HTR7: variants seen among roughly 807,000 people sequenced by gnomAD.
HTR7 encodes 5-hydroxytryptamine receptor 7.
A neutral mutation model predicts 34.0 loss-of-function variants in HTR7; 16 were observed. That is an observed-to-expected ratio of 0.47 (90% confidence interval 0.32 to 0.71). HTR7 has a LOEUF of 0.71. Ranked by LOEUF, HTR7 falls within the 30% of genes least tolerant of loss-of-function variation. HTR7 has a pLI of 0.04. For missense variants in HTR7, 504 were observed against 625.5 expected, an observed-to-expected ratio of 0.81 and a Z score of 2.07; for synonymous variants, 265 against 260.2, an observed-to-expected ratio of 1.02 and a Z score of -0.18.
rs888943106 is a variant in HTR7 at position 90,751,837 on chromosome 10, C to T, written c.540-2243G>A. On this transcript the variant is annotated intron_variant, in intron 1 of 3. Transcript: ENST00000336152. ...TCCTTACTAGAACTATGCCTTCCCA[C>T]TTAAATAACAATCCCATCTTTTTCC... 4.6e-5 allele frequency among the ~76,000 whole-genome samples: 7 copies of T among 152,290 alleles called. No individual in the cohort carries two copies. In the South Asian group the frequency reaches 8.3e-4, roughly 18 times the overall value.
At chr10:90,826,658 G>C (rs918454882) in intron 1 of HTR7, among the ~76,000 whole-genome samples, 1 of 152,284 alleles carries the variant, frequency 6.6e-6, no homozygotes, top group East Asian at 1.9e-4. Context: ...GTGTTAAGTT[G>C]TCATAAGTTT....
At chr10:90,805,223 A>G (rs1436543425) in intron 1 of HTR7, among the ~76,000 whole-genome samples, 2 of 152,146 alleles carry the variant, frequency 1.3e-5, no homozygotes, top group Non-Finnish European at 2.9e-5. Context: ...ATTTCTTTGC[A>G]TGTTTGGATG....
intron 1 of HTR7, among the ~76,000 whole-genome samples, chr10:90,764,671 C>A (rs1844993433): frequency 6.6e-6 from 1 of 151,860 alleles, no homozygotes; most frequent in Non-Finnish European, 1.5e-5. Flanking sequence ...CTTTTTCTTG[C>A]CTAATTAGTA....
intron 1 of HTR7, among the ~76,000 whole-genome samples, chr10:90,854,014 A>G (rs926172174): frequency 6.6e-6 from 1 of 152,262 alleles, no homozygotes; most frequent in Non-Finnish European, 1.5e-5. Context: ...GAGGCCAAAG[A>G]AGGGTTTTAA....
At chr10:90,756,366 T>C (rs1278044375) in intron 1 of HTR7, among the ~76,000 whole-genome samples, 1 of 152,220 alleles carries the variant, frequency 6.6e-6, no homozygotes, top group East Asian at 1.9e-4. Context: ...TTTTTTTAAA[T>C]ACTAAAAGTA....
At chr10:90,831,574 G>C (rs1288386044) in intron 1 of HTR7, among the ~76,000 whole-genome samples, 2 of 152,196 alleles carry the variant, frequency 1.3e-5, no homozygotes, top group African/African-American at 4.8e-5. Flanking sequence ...GACCCCAGCG[G>C]GTTGCCACTG....
intron 1 of HTR7, among the ~76,000 whole-genome samples, chr10:90,785,278 T>C (rs1426289369): frequency 2.6e-5 from 4 of 152,190 alleles, no homozygotes; most frequent in Non-Finnish European, 4.4e-5. Flanking sequence ...CAGAAAACCG[T>C]AGCAAAAACT....
chr10:90,839,795 A>C (rs1846300853), intron 1 of HTR7, among the ~76,000 whole-genome samples: 2 of 152,150 alleles, frequency 1.3e-5, no homozygotes, highest in South Asian at 4.1e-4. Context: ...TATTGACAGA[A>C]GTGCTAATAA....
In HTR7 at chr10:90,742,424, C is replaced by G; in HGVS notation, c.*58G>C. ...TCCATTCTGCAGACTCAGCAAATGACTTCCTTCTGTTTCCACCTCTATTTT... is the reference window on the plus strand; with the variant it reads ...TCCATTCTGCAGACTCAGCAAATGAGTTCCTTCTGTTTCCACCTCTATTTT... On this transcript the variant is annotated 3_prime_UTR_variant, in exon 4 of 4. Coordinates refer to ENST00000336152, the MANE Select transcript of HTR7 (RefSeq NM_019859.4). 9.6e-5 allele frequency: 124 copies of G among 1,297,706 alleles called. No individual in the cohort carries two copies. Among genetic ancestry groups the G allele is most frequent in the Non-Finnish European group, 1.2e-4 (111 of 909,590 alleles). 80.4% of individuals were successfully genotyped at this position (1,297,706 alleles called of 1,614,324 possible).
intron 2 of HTR7, among the ~76,000 whole-genome samples, chr10:90,746,823 T>A (rs953658572): frequency 9.9e-5 from 15 of 152,118 alleles, no homozygotes; most frequent in Non-Finnish European, 1.9e-4. Context: ...CCTATCAATA[T>A]CCTTGCCTTA....
chr10:90,830,220 A>G (rs997368144), intron 1 of HTR7, among the ~76,000 whole-genome samples: 4 of 152,252 alleles, frequency 2.6e-5, no homozygotes, highest in South Asian at 4.1e-4. Context: ...CCTTTGAAGA[A>G]GATCCTGATT....
intron 1 of HTR7, among the ~76,000 whole-genome samples, chr10:90,807,268 G>A (rs1233958788): frequency 2.6e-5 from 4 of 152,150 alleles, no homozygotes; most frequent in African/African-American, 9.7e-5. Context: ...TATTGGGCTG[G>A]GCACGGTGGA....
intron 1 of HTR7, among the ~76,000 whole-genome samples, chr10:90,802,968 C>CA (rs1415982596): frequency 6.5e-4 from 89 of 137,648 alleles, no homozygotes; most frequent in African/African-American, 2.3e-3. Flanking sequence ...GCCAGACAGA[C>CA]AAAAATGAGT....
At chr10:90,787,410 C>A (rs1417880392) in intron 1 of HTR7, among the ~76,000 whole-genome samples, 1 of 152,050 alleles carries the variant, frequency 6.6e-6, no homozygotes. Context: ...ATCACTTGAA[C>A]CCAGGAGGCA....
chr10:90,740,922 CATAA>C lies in HTR7; in HGVS notation c.*1556_*1559del, dbSNP rs1844530543. The C allele has an allele frequency of 6.6e-6, 1 of 152,406 alleles. No homozygotes were observed. Among genetic ancestry groups the C allele is most frequent in the East Asian group, 1.9e-4 (1 of 5,182 alleles). The allele number at this position is 152,406 out of a possible 1,614,324, so 9.4% of individuals were successfully genotyped here. Reference sequence around the variant, plus strand: ...TCAAGTTTAACAATATGTATCTGACCATAAATAATCATTTAAATTATGAATATAA... The same window carrying C: ...TCAAGTTTAACAATATGTATCTGACCATAATCATTTAAATTATGAATATAA... On this transcript the variant is annotated 3_prime_UTR_variant, in exon 4 of 4. Transcript: ENST00000336152.
In HTR7 at chr10:90,741,906, AG is replaced by A. The variant is rs1363346389; in HGVS notation, c.*575del. On this transcript the variant is annotated 3_prime_UTR_variant, in exon 4 of 4. Transcript: ENST00000336152. ...AAAAGTACATAGGTGGGGAAATCACAGAGACCCTGCAGAAAAGCCAAACTAT... is the reference window on the plus strand; with the variant it reads ...AAAAGTACATAGGTGGGGAAATCACAAGACCCTGCAGAAAAGCCAAACTAT... 1.3e-5 allele frequency: 2 copies of A among 151,442 alleles called. No homozygotes were observed. The highest frequency in any genetic ancestry group is 3.0e-5 in the Non-Finnish European group (2 of 67,534). 9.4% of individuals were successfully genotyped at this position (151,442 alleles called of 1,614,324 possible). A position where few individuals can be genotyped will look rare whatever the true frequency, so the allele number is the denominator to read the frequency against.
At chr10:90,773,782 CCTT>C (rs1237563889) in intron 1 of HTR7, among the ~76,000 whole-genome samples, 7 of 152,244 alleles carry the variant, frequency 4.6e-5, no homozygotes, top group African/African-American at 1.7e-4. Context: ...GACAGAATCT[CCTT>C]CTTTTTTTAT....
At chr10:90,781,743 T>G (rs1053218875) in intron 1 of HTR7, among the ~76,000 whole-genome samples, 7 of 152,344 alleles carry the variant, frequency 4.6e-5, no homozygotes, top group African/African-American at 1.2e-4. Context: ...TAAAGAAATA[T>G]TCATGCTTCA....
At chr10:90,751,327 A>G (rs1420760090) in intron 1 of HTR7, among the ~76,000 whole-genome samples, 1 of 152,178 alleles carries the variant, frequency 6.6e-6, no homozygotes, top group African/African-American at 2.4e-5. Context: ...AAAAGGGAAG[A>G]GGGAGGGAAA....
Sources: gnomAD v4.1 joint callset for allele counts (sites outside exome capture counted in the v4.1 genomes callset) on GRCh38, gnomAD v4.1.1 for gene constraint, MANE v1.5 for transcripts, NCBI Gene and HGNC (gene_info 2026-07-23, HGNC 2026-07-21) for gene names.